The following KIAA0319 variants were observed in gnomAD, a reference collection of about 807,000 sequenced individuals.
The protein encoded by KIAA0319 is dyslexia-associated protein KIAA0319.
Under a neutral mutation model 108.4 loss-of-function variants are expected in KIAA0319, and 83 were observed. The ratio of observed to expected loss-of-function variants is 0.77; its 90% confidence interval spans 0.64 to 0.92. The LOEUF (loss-of-function observed/expected upper bound fraction) is 0.92. Ranked by LOEUF, KIAA0319 falls within the 40% of genes least tolerant of loss-of-function variation. The pLI, the probability that KIAA0319 is intolerant of heterozygous loss-of-function variation, is 0.00. For missense variants in KIAA0319, 1,195 were observed against 1,322.4 expected, an observed-to-expected ratio of 0.90 and a Z score of 1.49; for synonymous variants, 484 against 510.4, an observed-to-expected ratio of 0.95 and a Z score of 0.70.
chr6:24,639,455 TC>T (rs1190909294), intron 1 of KIAA0319, among the ~76,000 whole-genome samples: 1 of 152,250 alleles, frequency 6.6e-6, no homozygotes, highest in Non-Finnish European at 1.5e-5. Context: ...AAATAAAGGT[TC>T]TTTTAAGATA....
chr6:24,611,132 T>C (rs1772249014), intron 1 of KIAA0319, among the ~76,000 whole-genome samples: 1 of 151,424 alleles, frequency 6.6e-6, no homozygotes, highest in South Asian at 2.1e-4. Flanking sequence ...GTTGGGAGAT[T>C]GGAAGAAAAT....
At chr6:24,622,804 G>A (rs912614786) in intron 1 of KIAA0319, among the ~76,000 whole-genome samples, 2 of 152,190 alleles carry the variant, frequency 1.3e-5, no homozygotes, top group South Asian at 2.1e-4. Context: ...AGCACTCTGG[G>A]AGGCCGAGGC....
At chr6:24,623,441 T>C (rs189697933) in intron 1 of KIAA0319, among the ~76,000 whole-genome samples, 27 of 152,198 alleles carry the variant, frequency 1.8e-4, no homozygotes, top group Admixed American at 1.5e-3. Context: ...AGGGCCTACA[T>C]AGTACAAGCA....
At chr6:24,563,630 T>G (rs1311096895) in intron 15 of KIAA0319, 112 bp from the exon 16 acceptor site, 1 of 971,724 alleles carries the variant, frequency 1.0e-6, no homozygotes, top group Non-Finnish European at 1.5e-6. Context: ...ATTTCTACAT[T>G]TGAGTTGTAG....
At chr6:24,558,040 G>C (rs1762540534) in intron 17 of KIAA0319, among the ~76,000 whole-genome samples, 2 of 152,016 alleles carry the variant, frequency 1.3e-5, no homozygotes, top group African/African-American at 4.8e-5. Context: ...CTAGAATTTA[G>C]AGAATTATTT....
intron 4 of KIAA0319, among the ~76,000 whole-genome samples, chr6:24,586,872 C>T (rs961792065): frequency 9.2e-5 from 14 of 152,106 alleles, no homozygotes; most frequent in African/African-American, 3.1e-4. Flanking sequence ...ACCTCTCTGG[C>T]ACAACTACCC....
rs541652572 is a variant in KIAA0319 at position 24,627,350 on chromosome 6, C to T, written c.-106+18386G>A. Among the ~76,000 whole-genome samples the T allele has an allele frequency of 2.0e-5, 3 of 152,272 alleles. No homozygotes were observed. The East Asian group carries it at 5.8e-4, about 29-fold the overall frequency. On this transcript the variant is annotated intron_variant, in intron 1 of 20. Transcript: ENST00000378214. ...GTGGTAATGTGCTACCTGATAACCTCCTGGTCAAAATTTCTGCTGAGGACT... is the reference window on the plus strand; with the variant it reads ...GTGGTAATGTGCTACCTGATAACCTTCTGGTCAAAATTTCTGCTGAGGACT...
rs144779400 is a variant in KIAA0319 at position 24,576,317 on chromosome 6, TAGAC to T, written c.1734+47_1734+50del. ...CCCCAACCAATAGCACATAGCTAGG[TAGAC>T]AGACAGACAGACAGACAAAAGTCTG... On this transcript the variant is annotated intron_variant, in intron 10 of 20. Transcript: ENST00000378214. The T allele has an allele frequency of 3.9e-4, 562 of 1,437,650 alleles. 1 individual carries two copies. The highest frequency in any genetic ancestry group is 4.8e-4 in the Non-Finnish European group (490 of 1,022,400). The allele number at this position is 1,437,650 out of a possible 1,614,324, so 89.1% of individuals were successfully genotyped here.
intron 3 of KIAA0319, among the ~76,000 whole-genome samples, chr6:24,592,748 A>G (rs956236352): frequency 7.9e-5 from 12 of 152,198 alleles, no homozygotes; most frequent in African/African-American, 2.9e-4. Flanking sequence ...AGGCAGGCAG[A>G]TCACTTGAGC....
chr6:24,583,735 A>G lies in KIAA0319; in HGVS notation c.995-33T>C, dbSNP rs202028400. The G allele has an allele frequency of 5.7e-5, 75 of 1,306,524 alleles. No homozygotes were observed. In the African/African-American group the frequency reaches 9.3e-4, roughly 16 times the overall value. The allele number at this position is 1,306,524 out of a possible 1,614,324, so 80.9% of individuals were successfully genotyped here. A position where few individuals can be genotyped will look rare whatever the true frequency, so the allele number is the denominator to read the frequency against. On this transcript the variant is annotated intron_variant, in intron 4 of 20. Coordinates refer to ENST00000378214, the MANE Select transcript of KIAA0319 (RefSeq NM_014809.4). ...TTAATTAGAAATAATACGTGCAATT[A>G]TATAATATAATGTGTTACATTACTG...
intron 4 of KIAA0319, among the ~76,000 whole-genome samples, chr6:24,584,431 TAAAAAAAAA>T (rs5874993): frequency 1.1e-5 from 1 of 91,270 alleles, no homozygotes; most frequent in African/African-American, 4.6e-5. Context: ...AGCAAAGATT[TAAAAAAAAA>T]AAAAAAAAAA....
At chr6:24,634,200 C>A (rs73729807) in intron 1 of KIAA0319, among the ~76,000 whole-genome samples, 2,292 of 152,316 alleles carry the variant, frequency 0.015, 25 homozygotes, top group Non-Finnish European at 0.018. Flanking sequence ...GCAGGTTTGA[C>A]AGAACTTCTA....
intron 1 of KIAA0319, among the ~76,000 whole-genome samples, chr6:24,612,157 T>C (rs1772426659): frequency 6.6e-6 from 1 of 151,686 alleles, no homozygotes; most frequent in East Asian, 1.9e-4. Flanking sequence ...TTGTCACATA[T>C]GGAAAAAGTC....
intron 8 of KIAA0319, 143 bp downstream of exon 8, chr6:24,579,715 A>G (rs1258316600): frequency 1.6e-6 from 1 of 626,202 alleles, no homozygotes; most frequent in Non-Finnish European, 2.7e-6. Flanking sequence ...AAGGAACTAA[A>G]GAAGACATAA....
intron 1 of KIAA0319, among the ~76,000 whole-genome samples, chr6:24,621,622 GA>G (rs1283772887): frequency 1.3e-5 from 2 of 152,086 alleles, no homozygotes; most frequent in Non-Finnish European, 2.9e-5. Context: ...TTACTGGGGG[GA>G]AAAACTGTGA....
At chr6:24,588,244 T>G (rs760368882) in intron 4 of KIAA0319, among the ~76,000 whole-genome samples, 5 of 152,246 alleles carry the variant, frequency 3.3e-5, no homozygotes, top group African/African-American at 4.8e-5. Context: ...ATGCCATTTT[T>G]GCTGGCTCAC....
intron 1 of KIAA0319, among the ~76,000 whole-genome samples, chr6:24,607,945 T>G (rs73390409): frequency 6.6e-6 from 1 of 152,244 alleles, no homozygotes; most frequent in South Asian, 2.1e-4. Flanking sequence ...AGAAAAAAGA[T>G]GCTTAAATGC....
rs200210898 is a variant in KIAA0319 at position 24,588,732 on chromosome 6, G to A, written c.855C>T (p.Val285=). Residue 285 remains valine (V), a synonymous_variant, in exon 4 of 21, where the codon GTC becomes GTT. Coordinates refer to ENST00000378214, the MANE Select transcript of KIAA0319 (RefSeq NM_014809.4). ...TGAGCACTGGGCTTTTCTCCACGGTGACTGAGCTGAGCTCCAGGCTTGCCG... is the reference window on the plus strand; with the variant it reads ...TGAGCACTGGGCTTTTCTCCACGGTAACTGAGCTGAGCTCCAGGCTTGCCG... ...LPPASLELSS[V]TVEKSPVLTV... 690 of 1,613,876 alleles carry A rather than the reference G, an allele frequency of 4.3e-4. 5 individuals are homozygous for A. The Middle Eastern group carries it at 4.3e-3, about 10-fold the overall frequency.
chr6:24,624,629 C>G (rs9467239), intron 1 of KIAA0319, among the ~76,000 whole-genome samples: 28,718 of 152,038 alleles, frequency 0.19, 3,666 homozygotes, highest in East Asian at 0.57. Flanking sequence ...CCTTGACACT[C>G]AGAATTCATC....
Sources: allele counts gnomAD v4.1 joint callset (sites outside exome capture counted in the v4.1 genomes callset), GRCh38; gene constraint gnomAD v4.1.1; transcripts MANE v1.5; gene names NCBI Gene and HGNC (gene_info 2026-07-23, HGNC 2026-07-21).